Variants in RUNX1 observed in about 807,000 individuals in gnomAD.
RUNX1 encodes the protein RUNX family transcription factor 1.
RUNX1 carries 19 observed loss-of-function variants against 42.8 expected under a neutral mutation model. The ratio of observed to expected loss-of-function variants is 0.44; its 90% CI spans 0.31 to 0.65. The LOEUF is 0.65. RUNX1 is among the 30% of genes least tolerant of loss of function. The pLI is 0.07. For synonymous variants in RUNX1, 271 were observed against 289.4 expected (o/e 0.94, Z 0.64); for missense variants, 528 against 672.0 (o/e 0.79, Z 2.37).
intron 2 of RUNX1, among the ~76,000 whole-genome samples, chr21:34,993,826 G>GAC (rs141495136): frequency 7.0e-6 from 1 of 142,734 alleles, no homozygotes; most frequent in Non-Finnish European, 1.5e-5. Flanking sequence ...CACATACACA[G>GAC]ACACACACAC....
intron 2 of RUNX1, among the ~76,000 whole-genome samples, chr21:34,909,905 C>T (rs1225478798): frequency 6.6e-6 from 1 of 152,080 alleles, no homozygotes; most frequent in Non-Finnish European, 1.5e-5. Context: ...TTCTTCTTTA[C>T]CTCCTCCCTC....
chr21:34,797,550 T>C (rs182844351), intron 8 of RUNX1, among the ~76,000 whole-genome samples: 2 of 152,318 alleles, frequency 1.3e-5, no homozygotes, highest in East Asian at 3.9e-4. Context: ...GAACAGGCAT[T>C]ATTTCAGGTG....
At chr21:34,835,590 T>C (rs2057134608) in intron 6 of RUNX1, among the ~76,000 whole-genome samples, 1 of 152,192 alleles carries the variant, frequency 6.6e-6, no homozygotes, top group South Asian at 2.1e-4. Flanking sequence ...GCCAGTCCTG[T>C]CGTGCAAAGC....
chr21:34,859,929 A>G (rs1340464373), intron 5 of RUNX1, among the ~76,000 whole-genome samples: 1 of 152,216 alleles, frequency 6.6e-6, no homozygotes, highest in Non-Finnish European at 1.5e-5. Context: ...ATCTTTCCCA[A>G]TTATTTATAA....
Position 35,001,308 on chromosome 21 carries a change from T to TA in RUNX1, c.58+47533_58+47534insT, listed in dbSNP as rs2059041053. ...CTATTATTTTTTTTGAGTTATGGTT[T>TA]TATATATATATATATATATATATAT... On this transcript the variant is annotated intron_variant, in intron 2 of 8. Transcript: ENST00000675419. Among the ~76,000 whole-genome samples the TA allele has an allele frequency of 3.9e-3, 561 of 142,436 alleles. 1 individual carries two copies. Among genetic ancestry groups the TA allele is most frequent in the African/African-American group, 0.014 (531 of 39,214 alleles). 93.4% of individuals were successfully genotyped at this position (142,436 alleles called of 152,430 possible). A position where few individuals can be genotyped will look rare whatever the true frequency, so the allele number is the denominator to read the frequency against.
Position 34,907,366 on chromosome 21 carries a change from A to G in RUNX1, c.59-14403T>C, listed in dbSNP as rs1409497912. On this transcript the variant is annotated intron_variant, in intron 2 of 8. Transcript: ENST00000675419. The surrounding 1 kb of genome is among the most constrained non-coding windows in gnomAD (Gnocchi z 5.3). ...TGGTTGTTAATAATAATAATAACAA[A>G]AGCAAGGTAAGAAGAAGAAATAGAA... is the stretch of plus-strand genomic sequence containing the variant. 1.3e-5 allele frequency among the ~76,000 whole-genome samples: 2 copies of G among 152,214 alleles called. No homozygotes were observed. The highest frequency in any genetic ancestry group is 1.3e-4 in the Admixed American group (2 of 15,282).
At chr21:34,810,208 T>C (rs2145950552) in intron 7 of RUNX1, among the ~76,000 whole-genome samples, 1 of 152,378 alleles carries the variant, frequency 6.6e-6, no homozygotes, top group Admixed American at 6.5e-5. Context: ...TTTGATGTTG[T>C]AAAATGTTAG....
intron 3 of RUNX1, chr21:34,887,325 T>C: frequency 6.9e-7 from 1 of 1,455,098 alleles, no homozygotes; most frequent in East Asian, 2.5e-5. Flanking sequence ...GTTCTGCGGA[T>C]CGGCCTCTGA....
At chr21:34,933,895 G>A (rs115756442) in intron 2 of RUNX1, among the ~76,000 whole-genome samples, 1 of 152,332 alleles carries the variant, frequency 6.6e-6, no homozygotes, top group East Asian at 1.9e-4. Flanking sequence ...CTGACAAGAG[G>A]AGTCAGCTGT....
chr21:35,022,123 T>C (rs566572995), intron 2 of RUNX1, among the ~76,000 whole-genome samples: 15 of 152,312 alleles, frequency 9.8e-5, no homozygotes, highest in East Asian at 5.8e-4. Flanking sequence ...CGGGCTAACA[T>C]GTAGCTGAGA....
chr21:34,877,522 CAA>C (rs1476683202), intron 5 of RUNX1, among the ~76,000 whole-genome samples: 5 of 152,046 alleles, frequency 3.3e-5, no homozygotes, highest in Middle Eastern at 6.3e-3. Flanking sequence ...GATACTGAAT[CAA>C]AGAGAGAAAC....
chr21:34,912,225 T>C (rs1333873117), intron 2 of RUNX1, among the ~76,000 whole-genome samples: 1 of 148,554 alleles, frequency 6.7e-6, no homozygotes, highest in Non-Finnish European at 1.5e-5. Context: ...TGAGGCATCC[T>C]AGATCTCAGA....
At chr21:34,902,197 T>C (rs1306724320) in intron 2 of RUNX1, among the ~76,000 whole-genome samples, 4 of 152,228 alleles carry the variant, frequency 2.6e-5, no homozygotes, top group Non-Finnish European at 5.9e-5. Context: ...AGGAGAATTA[T>C]GAGATAGAAA....
chr21:34,825,148 C>A (rs2056968904), intron 7 of RUNX1, among the ~76,000 whole-genome samples: 2 of 152,204 alleles, frequency 1.3e-5, no homozygotes, highest in South Asian at 4.1e-4. Context: ...AGGCAGCTTG[C>A]TTCAAAACAA....
At chr21:34,876,894 T>C (rs2057821982) in intron 5 of RUNX1, among the ~76,000 whole-genome samples, 1 of 152,180 alleles carries the variant, frequency 6.6e-6, no homozygotes, top group South Asian at 2.1e-4. Flanking sequence ...TTTGCTCTTG[T>C]TGCCCAGACT....
chr21:34,885,411 G>A (rs1158860063), intron 4 of RUNX1, among the ~76,000 whole-genome samples: 9 of 152,056 alleles, frequency 5.9e-5, no homozygotes, highest in African/African-American at 1.9e-4. Context: ...CTAAGTAAAC[G>A]GAGGGAGGGA....
intron 2 of RUNX1, among the ~76,000 whole-genome samples, chr21:34,993,281 T>A (rs1434497339): frequency 6.6e-6 from 1 of 152,124 alleles, no homozygotes; most frequent in East Asian, 1.9e-4. Context: ...CATACTGATG[T>A]AGCTATAGGA....
At chr21:34,867,276 A>G (rs1010664457) in intron 5 of RUNX1, among the ~76,000 whole-genome samples, 4 of 151,966 alleles carry the variant, frequency 2.6e-5, no homozygotes, top group Admixed American at 2.6e-4. Context: ...AAAATAAAAA[A>G]TAAAATAAAA....
rs533193311 is a variant in RUNX1 at position 34,907,831 on chromosome 21, C to G, written c.59-14868G>C. Among the ~76,000 whole-genome samples the G allele has an allele frequency of 1.3e-5, 2 of 151,952 alleles. No homozygotes were observed. The highest frequency in any genetic ancestry group is 4.8e-5 in the African/African-American group (2 of 41,268). On this transcript the variant is annotated intron_variant, in intron 2 of 8. Transcript: ENST00000675419. This position sits in a 1 kb window ranked among gnomAD's most constrained non-coding sequence, Gnocchi z 5.3. ...AGCATTGGGTCATTTCGTTCAGAGG[C>G]GAAAAGATTCTTAGCAAACATTGGG...
Sources: gnomAD v4.1 joint callset for allele counts (sites outside exome capture counted in the v4.1 genomes callset) on GRCh38, gnomAD v4.1.1 for gene constraint, Gnocchi (gnomAD v3.1) non-coding constraint, MANE v1.5 for transcripts, NCBI Gene and HGNC (gene_info 2026-07-23, HGNC 2026-07-21) for gene names.